Variants in AGBL1 observed in about 807,000 individuals in gnomAD.
AGBL1 encodes the protein AGBL carboxypeptidase 1.
In AGBL1, 130 loss-of-function variants were observed where a neutral mutation model predicts 118.9. The observed-to-expected ratio is 1.09, with a 90% CI of 0.95 to 1.26. The LOEUF is 1.26. AGBL1 is among the 50% of genes most tolerant of loss of function. The probability of loss-of-function intolerance (pLI) is 0.00; values close to 1 mark genes in which losing one functional copy is unlikely to be tolerated. For missense variants in AGBL1, 1,584 were observed against 1,298.1 expected, an observed-to-expected ratio of 1.22 and a Z score of -3.38; for synonymous variants, 555 against 478.9, an observed-to-expected ratio of 1.16 and a Z score of -2.08.
intron 23 of AGBL1, among the ~76,000 whole-genome samples, chr15:86,979,301 T>C (rs11857587): frequency 0.067 from 10,165 of 152,198 alleles, 1,095 homozygotes; most frequent in African/African-American, 0.23. Flanking sequence ...AAAATTCGAG[T>C]GCACCTTATT....
chr15:87,026,712 A>T (rs949763082), intron 24 of AGBL1, among the ~76,000 whole-genome samples: 1 of 152,128 alleles, frequency 6.6e-6, no homozygotes, highest in Non-Finnish European at 1.5e-5. Flanking sequence ...CACAATTTGC[A>T]ATTGCAAAAA....
chr15:86,961,530 G>C (rs1287448252), intron 23 of AGBL1, among the ~76,000 whole-genome samples: 1 of 152,056 alleles, frequency 6.6e-6, no homozygotes, highest in African/African-American at 2.4e-5. Flanking sequence ...ACAGGGGAGA[G>C]GGTCCAGTGG....
intron 22 of AGBL1, among the ~76,000 whole-genome samples, chr15:86,768,158 C>T (rs1187686624): frequency 6.6e-6 from 1 of 151,928 alleles, no homozygotes; most frequent in Non-Finnish European, 1.5e-5. Flanking sequence ...TGGGAATAGT[C>T]TTAGACCCTG....
intron 22 of AGBL1, among the ~76,000 whole-genome samples, chr15:86,702,783 C>CA (rs1276102537): frequency 2.9e-4 from 44 of 152,074 alleles, no homozygotes; most frequent in African/African-American, 1.1e-3. Context: ...TGCTTGTCTT[C>CA]GTCTGCTGGT....
At chr15:86,924,117 A>G (rs1174000581) in intron 23 of AGBL1, among the ~76,000 whole-genome samples, 1 of 152,246 alleles carries the variant, frequency 6.6e-6, no homozygotes, top group African/African-American at 2.4e-5. Flanking sequence ...CTATTCATGC[A>G]TATTCACAGA....
intron 24 of AGBL1, among the ~76,000 whole-genome samples, chr15:86,992,218 G>A (rs2081342280): frequency 6.6e-6 from 1 of 151,970 alleles, no homozygotes; most frequent in South Asian, 2.1e-4. Flanking sequence ...CTCTCAGATT[G>A]AGAACTCACT....
chr15:86,198,627 T>G (rs1441227466), intron 5 of AGBL1, among the ~76,000 whole-genome samples: 1 of 152,168 alleles, frequency 6.6e-6, no homozygotes, highest in Non-Finnish European at 1.5e-5. Flanking sequence ...ATCTTAATCC[T>G]ACAGGACTGA....
intron 24 of AGBL1, among the ~76,000 whole-genome samples, chr15:87,026,928 C>T (rs1024760634): frequency 1.4e-4 from 22 of 151,938 alleles, no homozygotes; most frequent in South Asian, 8.3e-4. Context: ...TAAGTGGGAG[C>T]TAAGCTATGA....
chr15:86,772,956 C>A (rs1329024530), intron 22 of AGBL1, among the ~76,000 whole-genome samples: 2 of 151,910 alleles, frequency 1.3e-5, no homozygotes, highest in Non-Finnish European at 2.9e-5. Flanking sequence ...ACAACCCTTC[C>A]AAACCAGTGA....
chr15:86,109,828 T>C (rs1165855325), intron 1 of AGBL1: 1 of 152,228 alleles, frequency 6.6e-6, no homozygotes, highest in African/African-American at 2.4e-5. Context: ...CTTCCTGTTA[T>C]GATGCTGGGG....
chr15:86,600,168 A>G (rs1383903781), intron 21 of AGBL1, among the ~76,000 whole-genome samples: 1 of 152,138 alleles, frequency 6.6e-6, no homozygotes, highest in Non-Finnish European at 1.5e-5. Flanking sequence ...GATGTCAGCT[A>G]ACTGAAATAG....
At chr15:86,530,549 A>G (rs1471939386) in intron 19 of AGBL1, among the ~76,000 whole-genome samples, 3 of 139,840 alleles carry the variant, frequency 2.1e-5, no homozygotes, top group African/African-American at 8.9e-5. Flanking sequence ...AGACAGATCA[A>G]TGAGACAGAA....
At chr15:86,266,891 T>C in intron 12 of AGBL1, 99 bp from the exon 13 acceptor site, 1 of 1,055,944 alleles carries the variant, frequency 9.5e-7, no homozygotes. Flanking sequence ...CAGAGTGAGA[T>C]TCTGTCTCAA....
At chr15:87,016,193 T>A (rs1256754018) in intron 24 of AGBL1, among the ~76,000 whole-genome samples, 1 of 152,038 alleles carries the variant, frequency 6.6e-6, no homozygotes, top group Non-Finnish European at 1.5e-5. Context: ...TTAAGGAGAA[T>A]CTGACCCACT....
At chr15:86,994,299 A>C (rs1051990921) in intron 24 of AGBL1, among the ~76,000 whole-genome samples, 23 of 151,162 alleles carry the variant, frequency 1.5e-4, no homozygotes, top group Admixed American at 3.9e-4. Context: ...ACAAGGGAAT[A>C]TCTCTCTCTC....
intron 21 of AGBL1, among the ~76,000 whole-genome samples, chr15:86,607,811 G>A (rs2469169): frequency 0.49 from 75,085 of 152,026 alleles, 18,713 homozygotes; most frequent in East Asian, 0.73. Flanking sequence ...GATTTCTGAT[G>A]TCTCAAGGGG....
chr15:86,268,957 G>A (rs1469905964), intron 13 of AGBL1, among the ~76,000 whole-genome samples: 1 of 152,192 alleles, frequency 6.6e-6, no homozygotes, highest in African/African-American at 2.4e-5. Context: ...AGAGGATGGA[G>A]CAACATTTTT....
intron 22 of AGBL1, among the ~76,000 whole-genome samples, chr15:86,815,917 C>T (rs138607613): frequency 1.5e-4 from 23 of 152,032 alleles, no homozygotes; most frequent in South Asian, 2.1e-4. Context: ...GGGAAGGAAA[C>T]GGTGGGGAAG....
rs113343767 is a variant in AGBL1, at chr15:86,730,347, A to AC, written c.3158+55913dup. Among the ~76,000 whole-genome samples, 11 of 152,330 alleles carry AC rather than the reference A, an allele frequency of 7.2e-5. 2 individuals carry two copies. Among genetic ancestry groups the AC allele is most frequent in the African/African-American group, 2.6e-4 (11 of 41,580 alleles). On this transcript the variant is annotated intron_variant, in intron 22 of 22. Transcript: ENST00000614907. Reference sequence around the variant, plus strand: ...ACAGAATGGGAGAAAATATTTGCAAACCATACAACCAACAAAGATCTAATA... The same window carrying AC: ...ACAGAATGGGAGAAAATATTTGCAAACCCATACAACCAACAAAGATCTAATA...
Sources: gnomAD v4.1 joint callset for allele counts (sites outside exome capture counted in the v4.1 genomes callset) on GRCh38, gnomAD v4.1.1 for gene constraint, MANE v1.5 for transcripts, NCBI Gene and HGNC (gene_info 2026-07-23, HGNC 2026-07-21) for gene names.